Variants in FMNL2 observed in about 807,000 individuals in gnomAD.
The protein encoded by FMNL2 is formin like 2.
FMNL2 carries 51 observed loss-of-function variants against 130.2 expected under a neutral mutation model. That is an observed-to-expected ratio of 0.39 (90% CI 0.31 to 0.49). The LOEUF (loss-of-function observed/expected upper bound fraction) is 0.49. Ranked by LOEUF, FMNL2 falls within the 20% of genes least tolerant of loss-of-function variation. The pLI is 0.85. For missense variants in FMNL2, 977 were observed against 1,316.2 expected (o/e 0.74, Z 3.99); for synonymous variants, 465 against 467.1 (o/e 1.00, Z 0.06).
intron 1 of FMNL2, among the ~76,000 whole-genome samples, chr2:152,392,160 A>T (rs1685151220): frequency 1.3e-5 from 2 of 152,092 alleles, no homozygotes; most frequent in Non-Finnish European, 1.5e-5. Flanking sequence ...TGTGGAAGGT[A>T]GTTTCTTTTA....
chr2:152,605,307 C>CGTGTGTGTGTGCGTGTGT (rs1358468309), intron 9 of FMNL2, among the ~76,000 whole-genome samples: 3 of 148,276 alleles, frequency 2.0e-5, no homozygotes, highest in East Asian at 3.9e-4. Flanking sequence ...TGTGCGTGTG[C>CGTGTGTGTGTGCGTGTGT]GTGTGTGTGT....
intron 1 of FMNL2, among the ~76,000 whole-genome samples, chr2:152,368,332 T>TA (rs1328197684): frequency 6.6e-6 from 1 of 152,178 alleles, no homozygotes; most frequent in Non-Finnish European, 1.5e-5. Flanking sequence ...GATAAGTTTT[T>TA]AAAAAACGTC....
intron 9 of FMNL2, among the ~76,000 whole-genome samples, chr2:152,606,629 C>CTTTTTTTTTTTTTTTTTTTTTTTGTTTTT (rs70974875): frequency 9.5e-6 from 1 of 105,480 alleles, no homozygotes; most frequent in Non-Finnish European, 1.9e-5. Context: ...TTTTTTGACT[C>CTTTTTTTTTTTTTTTTTTTTTTTGTTTTT]TTTTTTTTTT....
At chr2:152,404,054 G>A (rs535284904) in intron 1 of FMNL2, among the ~76,000 whole-genome samples, 2 of 152,188 alleles carry the variant, frequency 1.3e-5, no homozygotes, top group South Asian at 2.1e-4. Flanking sequence ...GTGACAGAGC[G>A]AGACTCCGTC....
At chr2:152,422,327 GC>G (rs1237968466) in intron 1 of FMNL2, among the ~76,000 whole-genome samples, 1 of 152,188 alleles carries the variant, frequency 6.6e-6, no homozygotes, top group Non-Finnish European at 1.5e-5. Flanking sequence ...TGTTCATGAT[GC>G]CCCGTGATCA....
intron 9 of FMNL2, among the ~76,000 whole-genome samples, chr2:152,593,858 AGAGTGTGT>A (rs1381827371): frequency 6.9e-5 from 7 of 101,518 alleles, no homozygotes; most frequent in African/African-American, 3.0e-4. Flanking sequence ...AGAGAGAGAG[AGAGTGTGT>A]GTGTGTGTGT....
intron 13 of FMNL2, 88 bp from the exon 14 acceptor site, chr2:152,618,758 T>C: frequency 8.4e-7 from 1 of 1,191,004 alleles, no homozygotes; most frequent in East Asian, 2.4e-5. Flanking sequence ...AGTATCTTTT[T>C]TTCTCTTTAT....
chr2:152,626,872 A>G (rs771844250), intron 17 of FMNL2, 145 bp downstream of exon 17: 4 of 836,294 alleles, frequency 4.8e-6, no homozygotes, highest in Non-Finnish European at 5.5e-6. Flanking sequence ...CACTTGAGAG[A>G]TCTGAACTCT....
chr2:152,349,439 C>A (rs1192426693), intron 1 of FMNL2, among the ~76,000 whole-genome samples: 1 of 152,162 alleles, frequency 6.6e-6, no homozygotes, highest in African/African-American at 2.4e-5. Context: ...GAGTTTGAAT[C>A]CAGGCCTGCC....
intron 2 of FMNL2, among the ~76,000 whole-genome samples, chr2:152,538,268 T>C (rs1176662410): frequency 1.2e-5 from 1 of 86,578 alleles, no homozygotes; most frequent in Non-Finnish European, 2.5e-5. Flanking sequence ...GAATATTTTA[T>C]ATGAGGTTTT....
chr2:152,402,470 C>A (rs1308517067), intron 1 of FMNL2, among the ~76,000 whole-genome samples: 1 of 152,104 alleles, frequency 6.6e-6, no homozygotes, highest in Non-Finnish European at 1.5e-5. Flanking sequence ...CTGAGTGTGG[C>A]CCAGCTCTTA....
At chr2:152,584,788 T>G (rs981735605) in intron 9 of FMNL2, among the ~76,000 whole-genome samples, 1 of 152,236 alleles carries the variant, frequency 6.6e-6, no homozygotes, top group Non-Finnish European at 1.5e-5. Flanking sequence ...TTTCTCATGT[T>G]TTGATGAATA....
chr2:152,523,537 A>G (rs1169474847), intron 2 of FMNL2, among the ~76,000 whole-genome samples: 2 of 152,256 alleles, frequency 1.3e-5, no homozygotes, highest in African/African-American at 4.8e-5. Context: ...ATATTTAAAT[A>G]TATCAGCATT....
At chr2:152,435,999 A>C (rs914906804) in intron 1 of FMNL2, among the ~76,000 whole-genome samples, 1 of 151,386 alleles carries the variant, frequency 6.6e-6, no homozygotes, top group South Asian at 2.1e-4. Flanking sequence ...GTGCTATAGC[A>C]TGTATACATA....
chr2:152,415,288 C>T (rs1168997091), intron 1 of FMNL2, among the ~76,000 whole-genome samples: 1 of 152,120 alleles, frequency 6.6e-6, no homozygotes, highest in Non-Finnish European at 1.5e-5. Flanking sequence ...ATGGTCTATA[C>T]AGAAGCAGCT....
chr2:152,422,773 C>T (rs1558850313), intron 1 of FMNL2, among the ~76,000 whole-genome samples: 2 of 152,188 alleles, frequency 1.3e-5, no homozygotes, highest in Admixed American at 1.3e-4. Flanking sequence ...AAGGAATTCA[C>T]CCGCCTAGGC....
intron 1 of FMNL2, among the ~76,000 whole-genome samples, chr2:152,365,569 C>T (rs1389064975): frequency 6.6e-6 from 1 of 151,896 alleles, no homozygotes; most frequent in Non-Finnish European, 1.5e-5. Flanking sequence ...GTCAGGAGTT[C>T]GACACCAGCT....
chr2:152,640,081 C>G, intron 24 of FMNL2, 25 bp downstream of exon 24: 1 of 1,529,792 alleles, frequency 6.5e-7, no homozygotes, highest in Non-Finnish European at 8.8e-7. Flanking sequence ...ACTCATGAGA[C>G]AGGTCCGTGA....
intron 9 of FMNL2, among the ~76,000 whole-genome samples, chr2:152,601,985 G>C (rs961571723): frequency 6.6e-6 from 1 of 152,156 alleles, no homozygotes; most frequent in Admixed American, 6.5e-5. Flanking sequence ...CTCTCAACTT[G>C]ATAGATGTGA....
Sources: allele counts gnomAD v4.1 joint callset (sites outside exome capture counted in the v4.1 genomes callset), GRCh38; gene constraint gnomAD v4.1.1; transcripts MANE v1.5; gene names NCBI Gene and HGNC (gene_info 2026-07-23, HGNC 2026-07-21).